The following ECPAS variants were observed in gnomAD, a reference collection of about 807,000 sequenced individuals.
ECPAS encodes Ecm29 proteasome adaptor and scaffold, also known as proteasome adapter and scaffold protein ECM29.
Under a neutral mutation model 255.1 loss-of-function variants are expected in ECPAS, and 70 were observed. The ratio of observed to expected loss-of-function variants is 0.27; its 90% CI spans 0.23 to 0.33. The LOEUF (loss-of-function observed/expected upper bound fraction) is 0.33. ECPAS is among the 10% of genes least tolerant of loss of function. The pLI is 1.00. For missense variants in ECPAS, 1,817 were observed against 2,206.4 expected, an observed-to-expected ratio of 0.82 and a Z score of 3.54; for synonymous variants, 784 against 775.0, an observed-to-expected ratio of 1.01 and a Z score of -0.19.
chr9:111,379,451 T>C (rs2098137840), intron 35 of ECPAS, among the ~76,000 whole-genome samples: 1 of 152,220 alleles, frequency 6.6e-6, no homozygotes, highest in Non-Finnish European at 1.5e-5. Flanking sequence ...GTCATTATCT[T>C]TTTGCTGGTG....
At chr9:111,454,467 T>G (rs943690) in intron 2 of ECPAS, among the ~76,000 whole-genome samples, 9,714 of 151,942 alleles carry the variant, frequency 0.064, 445 homozygotes, top group East Asian at 0.19. Flanking sequence ...CACAATAAAA[T>G]TATGAGAACA....
chr9:111,384,750 A>G (rs1396855652), intron 33 of ECPAS, among the ~76,000 whole-genome samples, 181 bp from the exon 34 acceptor site: 1 of 152,236 alleles, frequency 6.6e-6, no homozygotes, highest in Non-Finnish European at 1.5e-5. Context: ...ACACATTACC[A>G]TGCCATACTA....
chr9:111,416,330 G>T lies in ECPAS; in HGVS notation c.1706C>A (p.Pro569Gln), dbSNP rs1473599781. 2 of 1,613,664 alleles carry T rather than the reference G, an allele frequency of 1.2e-6. No homozygotes were observed. The highest frequency in any genetic ancestry group is 2.7e-5 in the African/African-American group (2 of 75,040). ...AGTGGTCCCGGTCATGTACTTGACT[G>T]GAGTTTTCATTCGATGAGAAGCCTA... is the stretch of plus-strand genomic sequence containing the variant. ...QEKASHRMKT[P>Q]VKYMTGTTVL... The change falls in exon 18 of 50, where the codon CCA becomes CAA. Residue 569 changes from proline to glutamine, a missense_variant. Pro to Gln is a moderately conservative substitution (Grantham distance 76, BLOSUM62 -1). Around this residue, in one of 4 missense-constraint regions of ECPAS, gnomAD observed 573 missense variants for 716.2 expected, o/e 0.80. Coordinates refer to ENST00000684092, the MANE Select transcript of ECPAS (RefSeq NM_001364929.1).
chr9:111,417,614 G>A (rs948130622), intron 17 of ECPAS, among the ~76,000 whole-genome samples: 1 of 152,094 alleles, frequency 6.6e-6, no homozygotes, highest in Non-Finnish European at 1.5e-5. Flanking sequence ...GGGCTTGGTG[G>A]CAGGCGCCTA....
chr9:111,374,162 A>T (rs1383729809), intron 38 of ECPAS, 124 bp from the exon 39 acceptor site: 7 of 634,810 alleles, frequency 1.1e-5, no homozygotes, highest in Non-Finnish European at 1.9e-5. Flanking sequence ...CCCCTCCAGG[A>T]CTCAATATAG....
chr9:111,484,241 G>A lies in ECPAS; in HGVS notation c.-208C>T. The A allele has an allele frequency of 1.4e-6, 2 of 1,474,622 alleles. No homozygotes were observed. Among genetic ancestry groups the A allele is most frequent in the Non-Finnish European group, 1.8e-6 (2 of 1,119,180 alleles). 91.3% of individuals were successfully genotyped at this position (1,474,622 alleles called of 1,614,324 possible). On this transcript the variant is annotated 5_prime_UTR_variant, in exon 1 of 50. Coordinates refer to ENST00000684092, the MANE Select transcript of ECPAS (RefSeq NM_001364929.1). ...CGCGCCGCAGTCCGTGAGGGGCTGGGCCGAGCGGGCCCGGGCTGCCCTAGC... is the reference window on the plus strand; with the variant it reads ...CGCGCCGCAGTCCGTGAGGGGCTGGACCGAGCGGGCCCGGGCTGCCCTAGC...
intron 48 of ECPAS, 107 bp from the exon 49 acceptor site, chr9:111,363,766 G>T: frequency 1.6e-6 from 1 of 643,458 alleles, no homozygotes; most frequent in Non-Finnish European, 2.7e-6. Context: ...CAACTCTAGG[G>T]AAGGGTATAT....
rs564911111 is a variant in ECPAS, at chr9:111,472,964, G to A, written c.-46C>T. The A allele has an allele frequency of 1.5e-5, 18 of 1,223,770 alleles. No individual in the cohort carries two copies. In the East Asian group the frequency reaches 3.3e-4, roughly 22 times the overall value. 75.8% of individuals were successfully genotyped at this position (1,223,770 alleles called of 1,614,324 possible). A position where few individuals can be genotyped will look rare whatever the true frequency, so the allele number is the denominator to read the frequency against. On this transcript the variant is annotated 5_prime_UTR_variant, in exon 2 of 50. It adds an upstream start codon to the 5' untranslated region. Transcript: ENST00000684092. ...AAATCCTCGGGATCACCAATGGTAC[G>A]TTCATCCACTCGTACATATGCAATT...
rs1413030786 is a variant in ECPAS, at chr9:111,361,220, C to G, written c.*810G>C. 6.6e-6 allele frequency: 1 copy of G among 152,182 alleles called. No individual in the cohort carries two copies. The highest frequency in any genetic ancestry group is 1.5e-5 in the Non-Finnish European group (1 of 68,042). The allele number at this position is 152,182 out of a possible 1,614,324, so 9.4% of individuals were successfully genotyped here. A position where few individuals can be genotyped will look rare whatever the true frequency, so the allele number is the denominator to read the frequency against. On this transcript the variant is annotated 3_prime_UTR_variant, in exon 50 of 50. Coordinates refer to ENST00000684092, the MANE Select transcript of ECPAS (RefSeq NM_001364929.1). ...TCTGGTTTTGCAAAATATGCAGCCA[C>G]AGACACAGATAGAATGTGTGATCTT... is the stretch of plus-strand genomic sequence containing the variant.
At chr9:111,391,668 C>T in intron 29 of ECPAS, 88 bp downstream of exon 29, 1 of 807,568 alleles carries the variant, frequency 1.2e-6, no homozygotes, top group Non-Finnish European at 2.0e-6. Flanking sequence ...GGGTAGAAAT[C>T]AACTTCATGA....
chr9:111,429,582 G>T (rs748034125), intron 9 of ECPAS, among the ~76,000 whole-genome samples: 2 of 152,190 alleles, frequency 1.3e-5, no homozygotes, highest in Non-Finnish European at 2.9e-5. Flanking sequence ...ACATTCATGT[G>T]TACAGCCATT....
intron 3 of ECPAS, among the ~76,000 whole-genome samples, chr9:111,449,338 G>T (rs1171510328): frequency 6.6e-6 from 1 of 152,018 alleles, no homozygotes; most frequent in African/African-American, 2.4e-5. Context: ...AATAAAACCA[G>T]AAACAAGAAT....
chr9:111,372,585 G>A lies in ECPAS; in HGVS notation c.4372C>T (p.His1458Tyr). The A allele has an allele frequency of 6.2e-7, 1 of 1,613,242 alleles. No homozygotes were observed. Among genetic ancestry groups the A allele is most frequent in the Non-Finnish European group, 8.5e-7 (1 of 1,179,526 alleles). ...TCAGGGCTGTATCGTCCAATAGCAT[G>A]AATAGTCAAAGCACAAGAGGTCTTG... ...IYKTSCALTI[H>Y]AIGRYSPDVL... is the part of the protein sequence containing the mutation. The change falls in exon 42 of 50, where the codon CAT (histidine) becomes TAT (tyrosine). Residue 1458 changes from histidine to tyrosine, a missense_variant. Physicochemically the swap from His to Tyr is moderately conservative, Grantham distance 83. Around this residue, in one of 4 missense-constraint regions of ECPAS, gnomAD observed 960 missense variants for 1,179.0 expected, o/e 0.81. Coordinates refer to ENST00000684092, the MANE Select transcript of ECPAS (RefSeq NM_001364929.1).
At chr9:111,455,252 AG>A (rs1367863168) in intron 2 of ECPAS, among the ~76,000 whole-genome samples, 1 of 152,188 alleles carries the variant, frequency 6.6e-6, no homozygotes, top group Non-Finnish European at 1.5e-5. Flanking sequence ...TGGGAGGCCA[AG>A]GAGGGCAGAT....
intron 27 of ECPAS, 129 bp downstream of exon 27, chr9:111,393,551 A>C (rs1223629718): frequency 1.5e-6 from 1 of 666,154 alleles, no homozygotes; most frequent in Non-Finnish European, 2.6e-6. Flanking sequence ...TACTACTAAC[A>C]AATAAGGTTT....
At chr9:111,380,963 T>C (rs2098139856) in intron 35 of ECPAS, among the ~76,000 whole-genome samples, 1 of 152,234 alleles carries the variant, frequency 6.6e-6, no homozygotes, top group South Asian at 2.1e-4. Flanking sequence ...TGATCTTCTA[T>C]CCAGAATATT....
chr9:111,376,820 C>T (rs760414502), intron 36 of ECPAS, among the ~76,000 whole-genome samples: 6 of 152,108 alleles, frequency 3.9e-5, no homozygotes, highest in African/African-American at 9.7e-5. Flanking sequence ...CCTTCTTGAG[C>T]CTGAGGTTCT....
At chr9:111,375,757 C>T (rs1001212235) in intron 37 of ECPAS, among the ~76,000 whole-genome samples, 1 of 152,134 alleles carries the variant, frequency 6.6e-6, no homozygotes, top group African/African-American at 2.4e-5. Flanking sequence ...CATTCTTAGA[C>T]CAAATTTTGG....
At position 111,396,167 on chromosome 9, in the gene ECPAS, A is replaced by C. The variant is rs1008539865; in HGVS notation, c.2776+863T>G. Among the ~76,000 whole-genome samples, 8 of 152,246 alleles carry C rather than the reference A, an allele frequency of 5.3e-5. No individual in the cohort carries two copies. The East Asian group carries it at 1.5e-3, about 29-fold the overall frequency. ...TCACTTGAGAGGATAAAATATAAAA[A>C]TGTGGTGACTTTTCCTTCTGTTTAA... On this transcript the variant is annotated intron_variant, in intron 25 of 49. Transcript: ENST00000684092.
Sources: allele counts gnomAD v4.1 joint callset (sites outside exome capture counted in the v4.1 genomes callset), GRCh38; gene constraint gnomAD v4.1.1; regional missense constraint gnomAD v4.1.1; transcripts MANE v1.5; gene names NCBI Gene and HGNC (gene_info 2026-07-23, HGNC 2026-07-21).